USP13: variants seen among roughly 807,000 people sequenced by gnomAD.
USP13 encodes ubiquitin carboxyl-terminal hydrolase 13.
A neutral mutation model predicts 107.8 loss-of-function variants in USP13; 68 were observed. The observed-to-expected ratio is 0.63, with a 90% CI of 0.52 to 0.77. The LOEUF (loss-of-function observed/expected upper bound fraction) is 0.77, where lower values mean the gene tolerates loss of function less well. Ranked by LOEUF, USP13 falls within the 30% of genes least tolerant of loss-of-function variation. USP13 has a pLI of 0.00. For synonymous variants in USP13, 377 were observed against 389.5 expected (o/e 0.97, Z 0.38); for missense variants, 945 against 1,093.3 (o/e 0.86, Z 1.91).
intron 3 of USP13, among the ~76,000 whole-genome samples, chr3:179,695,272 G>A (rs1712283358): frequency 6.6e-6 from 1 of 152,234 alleles, no homozygotes; most frequent in African/African-American, 2.4e-5. Flanking sequence ...TATCTTGGGT[G>A]GAGGTGTTTT....
chr3:179,727,312 G>A (rs1331616117), intron 8 of USP13, among the ~76,000 whole-genome samples: 8 of 131,418 alleles, frequency 6.1e-5, no homozygotes, highest in African/African-American at 1.9e-4. Context: ...AGGACCCTGC[G>A]GCCTTCTGCA....
At chr3:179,670,437 C>T (rs986310930) in intron 1 of USP13, among the ~76,000 whole-genome samples, 38 of 152,126 alleles carry the variant, frequency 2.5e-4, no homozygotes, top group African/African-American at 8.7e-4. Flanking sequence ...CTCACTCTCA[C>T]GGCTTCTTTT....
intron 2 of USP13, among the ~76,000 whole-genome samples, chr3:179,687,144 A>T (rs1003102965): frequency 6.6e-6 from 1 of 152,178 alleles, no homozygotes; most frequent in Non-Finnish European, 1.5e-5. Context: ...CTACTCCAGC[A>T]TTTCATAGGT....
In USP13 at chr3:179,779,358, C is replaced by T. The variant is rs552809333; in HGVS notation, c.2414-2381C>T. Among the ~76,000 whole-genome samples, 13 of 152,098 alleles carry T rather than the reference C, an allele frequency of 8.5e-5. No individual in the cohort carries two copies. In the South Asian group the frequency reaches 2.3e-3, roughly 27 times the overall value. ...ACCATCCTGGCTAACATGGTGAAACCCTGTCTCTACTAAACATACAAAAAC... is the reference window on the plus strand; with the variant it reads ...ACCATCCTGGCTAACATGGTGAAACTCTGTCTCTACTAAACATACAAAAAC... On this transcript the variant is annotated intron_variant, in intron 19 of 20. Transcript: ENST00000263966.
chr3:179,707,633 C>T (rs574055576), intron 5 of USP13, among the ~76,000 whole-genome samples: 2 of 152,318 alleles, frequency 1.3e-5, no homozygotes, highest in Admixed American at 6.5e-5. Context: ...TTTACCTTCA[C>T]TTTTTTGTCT....
chr3:179,750,822 G>C (rs1328963329), intron 13 of USP13, among the ~76,000 whole-genome samples: 1 of 152,216 alleles, frequency 6.6e-6, no homozygotes, highest in African/African-American at 2.4e-5. Context: ...GGATCAGGGA[G>C]TGTCAGTGGT....
Position 179,683,070 on chromosome 3 carries a change from T to C in USP13, c.294+1067T>C, listed in dbSNP as rs918786676. Among the ~76,000 whole-genome samples the C allele has an allele frequency of 3.4e-4, 52 of 152,008 alleles. 1 individual carries two copies. Among genetic ancestry groups the C allele is most frequent in the Non-Finnish European group, 5.9e-5 (4 of 68,004 alleles). On this transcript the variant is annotated intron_variant, in intron 2 of 20. Transcript: ENST00000263966. ...ACTTTCTATTCTGGTTTTTTTTTTT[T>C]CTTGTTGGATTTGCCTATTTATATT...
chr3:179,658,220 C>T (rs1294466359), intron 1 of USP13, among the ~76,000 whole-genome samples: 1 of 152,206 alleles, frequency 6.6e-6, no homozygotes, highest in African/African-American at 2.4e-5. Flanking sequence ...TCCCAAAGTG[C>T]TGTGATTACA....
intron 1 of USP13, among the ~76,000 whole-genome samples, chr3:179,666,046 G>A (rs1315505183): frequency 1.3e-5 from 2 of 152,224 alleles, no homozygotes; most frequent in Non-Finnish European, 2.9e-5. Context: ...AAGGTATGGA[G>A]TTGGGACCAA....
At chr3:179,734,212 A>G (rs912180710) in intron 10 of USP13, among the ~76,000 whole-genome samples, 8 of 152,260 alleles carry the variant, frequency 5.3e-5, no homozygotes, top group African/African-American at 1.9e-4. Context: ...AAAAGGCAGC[A>G]GTATTTATTT....
At chr3:179,675,227 A>G (rs1720860684) in intron 1 of USP13, among the ~76,000 whole-genome samples, 1 of 151,852 alleles carries the variant, frequency 6.6e-6, no homozygotes, top group Admixed American at 6.6e-5. Flanking sequence ...ATTCCCTTTT[A>G]AAAGTGGGCT....
intron 16 of USP13, among the ~76,000 whole-genome samples, chr3:179,760,475 G>A (rs1333821983): frequency 6.6e-6 from 1 of 151,762 alleles, no homozygotes; most frequent in African/African-American, 2.4e-5. Flanking sequence ...AGTAGAGACG[G>A]GGTTTCACCG....
In USP13 at chr3:179,776,858, GTTTTTTTTTTTTTTT is replaced by G. The variant is rs71628094; in HGVS notation, c.2414-4870_2414-4856del. ...TTTTGGAGCGTGTTTTAGAGTGCTG[GTTTTTTTTTTTTTTT>G]TTTTTTTTTTGGGAGGACGTCTCTG... On this transcript the variant is annotated intron_variant, in intron 19 of 20. Transcript: ENST00000263966. Among the ~76,000 whole-genome samples the G allele has an allele frequency of 5.1e-4, 40 of 78,290 alleles. 1 individual carries two copies. The highest frequency in any genetic ancestry group is 1.9e-3 in the African/African-American group (36 of 19,102). 51.4% of individuals were successfully genotyped at this position (78,290 alleles called of 152,430 possible).
chr3:179,696,328 A>AGT (rs1712323958), intron 3 of USP13, among the ~76,000 whole-genome samples: 2 of 117,714 alleles, frequency 1.7e-5, no homozygotes, highest in East Asian at 2.4e-4. Context: ...GCCATTAGGC[A>AGT]TTTTTTTTTT....
chr3:179,716,776 T>C (rs923325244), intron 6 of USP13, among the ~76,000 whole-genome samples: 1 of 152,252 alleles, frequency 6.6e-6, no homozygotes, highest in Admixed American at 6.5e-5. Context: ...AGATTCTCAA[T>C]CTTGCTTCTG....
At chr3:179,654,385 C>T (rs1427347321) in intron 1 of USP13, among the ~76,000 whole-genome samples, 1 of 152,044 alleles carries the variant, frequency 6.6e-6, no homozygotes, top group Non-Finnish European at 1.5e-5. Context: ...AAGTTCAATC[C>T]CGAGTCGTGA....
intron 20 of USP13, among the ~76,000 whole-genome samples, chr3:179,782,859 CCTCAGTCT>C (rs778202134): frequency 2.0e-5 from 3 of 152,170 alleles, no homozygotes; most frequent in Non-Finnish European, 4.4e-5. Flanking sequence ...AATTCTCCTG[CCTCAGTCT>C]CCCAAGTAGC....
chr3:179,706,910 A>G (rs765355194), intron 4 of USP13, 24 bp from the exon 5 acceptor site: 1 of 1,592,240 alleles, frequency 6.3e-7, no homozygotes, highest in South Asian at 1.2e-5. Flanking sequence ...GTTTTTATAT[A>G]TTACATCTGG....
At chr3:179,661,516 G>A (rs1376252141) in intron 1 of USP13, among the ~76,000 whole-genome samples, 3 of 151,844 alleles carry the variant, frequency 2.0e-5, no homozygotes, top group African/African-American at 4.8e-5. Flanking sequence ...GACCTGGCTG[G>A]GCTGTTTCTT....
Sources: gnomAD v4.1 joint callset for allele counts (sites outside exome capture counted in the v4.1 genomes callset) on GRCh38, gnomAD v4.1.1 for gene constraint, MANE v1.5 for transcripts, NCBI Gene and HGNC (gene_info 2026-07-23, HGNC 2026-07-21) for gene names.